ARFGEF1: variants seen among roughly 807,000 people sequenced by gnomAD.
The protein encoded by ARFGEF1 is brefeldin A-inhibited guanine nucleotide-exchange protein 1.
Under a neutral mutation model 231.0 loss-of-function variants are expected in ARFGEF1, and 42 were observed. The ratio of observed to expected loss-of-function variants is 0.18; its 90% CI spans 0.14 to 0.24. The LOEUF is 0.24. Among genes scored for constraint, ARFGEF1 ranks in the 10% least tolerant of loss-of-function variants. The pLI is 1.00. For synonymous variants in ARFGEF1, 710 were observed against 732.3 expected, an observed-to-expected ratio of 0.97 and a Z score of 0.49; for missense variants, 1,345 against 2,192.0, an observed-to-expected ratio of 0.61 and a Z score of 7.72.
chr8:67,273,372 T>C (rs1359842533), intron 9 of ARFGEF1, among the ~76,000 whole-genome samples: 1 of 128,846 alleles, frequency 7.8e-6, no homozygotes, highest in African/African-American at 3.0e-5. Context: ...ACATTTCAAA[T>C]GCGGAACACA....
At chr8:67,270,884 C>T (rs1424562561) in intron 10 of ARFGEF1, among the ~76,000 whole-genome samples, 1 of 151,282 alleles carries the variant, frequency 6.6e-6, no homozygotes, top group East Asian at 1.9e-4. Flanking sequence ...ATTAGCCAGG[C>T]GTGGTGGCAC....
Position 67,343,392 on chromosome 8 carries a change from A to T in ARFGEF1, c.-105T>A. 16 of 936,260 alleles carry T rather than the reference A, an allele frequency of 1.7e-5. No individual in the cohort carries two copies. The highest frequency in any genetic ancestry group is 4.8e-5 in the East Asian group (1 of 20,838). The allele number at this position is 936,260 out of a possible 1,614,324, so 58.0% of individuals were successfully genotyped here. On this transcript the variant is annotated 5_prime_UTR_variant, in exon 1 of 39. Transcript: ENST00000262215. ...AGAAGAGAGAAAGGAGAGGGGGTGG[A>T]GGTGGGGGATTGGAGGCGTGGAGGG...
At chr8:67,219,314 GA>G (rs1839068703) in intron 30 of ARFGEF1, 116 bp downstream of exon 30, 2 of 1,288,138 alleles carry the variant, frequency 1.6e-6, no homozygotes, top group African/African-American at 1.5e-5. Context: ...ATGCCTTAAA[GA>G]AAAATTTTCT....
chr8:67,208,462 T>G (rs1838599450), intron 34 of ARFGEF1, among the ~76,000 whole-genome samples: 1 of 151,682 alleles, frequency 6.6e-6, no homozygotes, highest in African/African-American at 2.4e-5. Flanking sequence ...AAACCCCATC[T>G]CTACTAAAAA....
intron 9 of ARFGEF1, among the ~76,000 whole-genome samples, chr8:67,274,804 C>T (rs1357580884): frequency 1.3e-5 from 2 of 152,096 alleles, no homozygotes; most frequent in South Asian, 4.1e-4. Flanking sequence ...TTATCTCTTT[C>T]TCAAAGTAGG....
At chr8:67,225,057 T>C in intron 28 of ARFGEF1, 24 bp from the exon 29 acceptor site, 2 of 1,576,332 alleles carry the variant, frequency 1.3e-6, no homozygotes, top group Non-Finnish European at 8.6e-7. Flanking sequence ...GGTAGGGTTA[T>C]TAAAGGCAAA....
At position 67,200,991 on chromosome 8, in the gene ARFGEF1, G is replaced by A. The variant is rs529446536; in HGVS notation, c.5267+476C>T. ...TAATTGGCCTCAGAACATCTATTCC[G>A]TAAGTAGATATGATAATACAATGCA... On this transcript the variant is annotated intron_variant, in intron 37 of 38. Transcript: ENST00000262215. Among the ~76,000 whole-genome samples the A allele has an allele frequency of 7.9e-5, 12 of 152,320 alleles. No homozygotes were observed. The East Asian group carries it at 1.3e-3, about 17-fold the overall frequency.
chr8:67,241,157 CT>C (rs1839914834), intron 19 of ARFGEF1, among the ~76,000 whole-genome samples: 2 of 152,108 alleles, frequency 1.3e-5, no homozygotes, highest in African/African-American at 4.8e-5. Flanking sequence ...TTACCCAGAG[CT>C]TTGTTTCTAA....
intron 1 of ARFGEF1, 104 bp from the exon 2 acceptor site, chr8:67,302,570 G>C: frequency 1.4e-6 from 1 of 733,042 alleles, no homozygotes; most frequent in Admixed American, 3.1e-5. Context: ...ACAAAAAGTT[G>C]GAAAGAATGC....
At chr8:67,267,290 T>A in intron 11 of ARFGEF1, 53 bp downstream of exon 11, 1 of 1,590,632 alleles carries the variant, frequency 6.3e-7, no homozygotes, top group Non-Finnish European at 8.6e-7. Flanking sequence ...ACATTTGGCC[T>A]TTTAAATATC....
At chr8:67,301,126 C>A in intron 3 of ARFGEF1, 98 bp downstream of exon 3, 3 of 1,206,982 alleles carry the variant, frequency 2.5e-6, no homozygotes, top group Non-Finnish European at 3.4e-6. Context: ...AAAGAGTATT[C>A]AAAGCTTTCA....
At chr8:67,309,432 T>C (rs1806893362) in intron 1 of ARFGEF1, among the ~76,000 whole-genome samples, 2 of 152,230 alleles carry the variant, frequency 1.3e-5, no homozygotes, top group Admixed American at 6.5e-5. Context: ...ATTTAATAAA[T>C]GCTACCATAT....
chr8:67,207,871 G>A (rs1351053748), intron 34 of ARFGEF1, among the ~76,000 whole-genome samples: 1 of 152,192 alleles, frequency 6.6e-6, no homozygotes, highest in South Asian at 2.1e-4. Flanking sequence ...TTCCAGGGGA[G>A]CGAGAGTGGA....
chr8:67,285,957 T>C (rs146781124), intron 7 of ARFGEF1, among the ~76,000 whole-genome samples: 2 of 151,936 alleles, frequency 1.3e-5, no homozygotes, highest in East Asian at 3.9e-4. Flanking sequence ...CAAATACGAG[T>C]GTACCCAGGT....
intron 1 of ARFGEF1, among the ~76,000 whole-genome samples, chr8:67,326,764 A>G (rs746542490): frequency 6.6e-6 from 1 of 152,322 alleles, no homozygotes; most frequent in African/African-American, 2.4e-5. Flanking sequence ...TAACTAACCA[A>G]TGTTATTCAA....
chr8:67,250,606 T>C (rs182818717), intron 19 of ARFGEF1, among the ~76,000 whole-genome samples: 34 of 152,246 alleles, frequency 2.2e-4, no homozygotes, highest in African/African-American at 7.2e-4. Flanking sequence ...AGAATCAGAG[T>C]GAGCATCGGA....
chr8:67,266,807 C>A (rs1804871951), intron 13 of ARFGEF1, 69 bp downstream of exon 13: 2 of 1,242,248 alleles, frequency 1.6e-6, no homozygotes, highest in East Asian at 2.5e-5. Flanking sequence ...TTAACAGCAG[C>A]TGCAACTATC....
At chr8:67,300,660 CAAAAAAAAAAAAA>C (rs200434355) in intron 3 of ARFGEF1, among the ~76,000 whole-genome samples, 15 of 88,660 alleles carry the variant, frequency 1.7e-4, no homozygotes, top group Admixed American at 4.9e-4. Flanking sequence ...CTTGTCTCTT[CAAAAAAAAAAAAA>C]AAAAAAAAAA....
chr8:67,203,266 C>T lies in ARFGEF1; in HGVS notation c.4960-15G>A. 1 of 1,612,624 alleles carries T rather than the reference C, an allele frequency of 6.2e-7. No homozygotes were observed. Among genetic ancestry groups the T allele is most frequent in the South Asian group, 1.1e-5 (1 of 90,796 alleles). On this transcript the variant is annotated splice_polypyrimidine_tract_variant and intron_variant, in intron 35 of 38. Transcript: ENST00000262215. The stretch of plus-strand genomic sequence containing the variant: ...ACCGCATCTCTCTTTGGAAAACAAA[C>T]CACCCCAGCATATACACACAGTCAC...
Sources: gnomAD v4.1 joint callset for allele counts (sites outside exome capture counted in the v4.1 genomes callset) on GRCh38, gnomAD v4.1.1 for gene constraint, MANE v1.5 for transcripts, NCBI Gene and HGNC (gene_info 2026-07-23, HGNC 2026-07-21) for gene names.